The following NRXN3 variants were observed in gnomAD, a reference collection of about 807,000 sequenced individuals.
NRXN3 encodes the protein neurexin III.
In NRXN3, 32 loss-of-function variants were observed where a neutral mutation model predicts 137.6. That is an observed-to-expected ratio of 0.23 (90% CI 0.18 to 0.31). The LOEUF is 0.31. NRXN3 is among the 10% of genes least tolerant of loss of function. The pLI, the probability that NRXN3 is intolerant of heterozygous loss-of-function variation, is 1.00. For missense variants in NRXN3, 1,574 were observed against 2,062.5 expected (o/e 0.76, Z 4.59); for synonymous variants, 798 against 784.5 (o/e 1.02, Z -0.29).
chr14:78,718,223 GACAATTCTTA>G (rs1476058172), intron 8 of NRXN3, among the ~76,000 whole-genome samples: 1 of 152,144 alleles, frequency 6.6e-6, no homozygotes, highest in Non-Finnish European at 1.5e-5. Flanking sequence ...TTAAGCCTAA[GACAATTCTTA>G]AGGCTGTGTG....
intron 4 of NRXN3, among the ~76,000 whole-genome samples, chr14:78,544,327 T>A (rs1463162064): frequency 3.3e-5 from 5 of 152,236 alleles, no homozygotes; most frequent in African/African-American, 9.6e-5. Context: ...CTTGTAGGCA[T>A]GCAGTGTTAA....
chr14:79,696,471 T>C (rs2098735842), intron 18 of NRXN3, among the ~76,000 whole-genome samples: 1 of 151,944 alleles, frequency 6.6e-6, no homozygotes, highest in Admixed American at 6.6e-5. Flanking sequence ...TTTTTTCCTT[T>C]CTTCATATGG....
chr14:79,498,276 C>T (rs1277405687), intron 16 of NRXN3, among the ~76,000 whole-genome samples: 3 of 152,112 alleles, frequency 2.0e-5, no homozygotes, highest in East Asian at 1.9e-4. Flanking sequence ...TATTATTGCA[C>T]ATTGGGTTTT....
chr14:78,287,934 G>A (rs1021354670), intron 3 of NRXN3, among the ~76,000 whole-genome samples: 26 of 151,946 alleles, frequency 1.7e-4, no homozygotes, highest in African/African-American at 6.0e-4. Context: ...ACAGTATTAT[G>A]AGTATGATTG....
intron 4 of NRXN3, among the ~76,000 whole-genome samples, chr14:78,643,306 A>G (rs1210304118): frequency 1.3e-5 from 2 of 152,154 alleles, no homozygotes; most frequent in South Asian, 2.1e-4. Context: ...CAGGGAAAAT[A>G]TAATTCTCTC....
intron 6 of NRXN3, among the ~76,000 whole-genome samples, chr14:78,677,019 G>A (rs79082225): frequency 1.3e-5 from 2 of 152,128 alleles, no homozygotes; most frequent in East Asian, 1.9e-4. Context: ...ACTGTTCATC[G>A]ACAATGCACT....
intron 4 of NRXN3, among the ~76,000 whole-genome samples, chr14:78,458,786 C>A (rs996636378): frequency 2.6e-5 from 4 of 152,214 alleles, no homozygotes; most frequent in Non-Finnish European, 5.9e-5. Context: ...GTTATATCTC[C>A]TTCTCACCAT....
intron 2 of NRXN3, among the ~76,000 whole-genome samples, chr14:78,247,746 G>T (rs776655851): frequency 1.3e-5 from 2 of 152,158 alleles, no homozygotes; most frequent in African/African-American, 2.4e-5. Flanking sequence ...CCAGAGAGCG[G>T]TCCCCTCACG....
chr14:78,995,052 A>G (rs2153089686), intron 15 of NRXN3, among the ~76,000 whole-genome samples: 1 of 152,320 alleles, frequency 6.6e-6, no homozygotes, highest in Admixed American at 6.5e-5. Context: ...GCTGCCACTT[A>G]GTCATTATTA....
intron 20 of NRXN3, among the ~76,000 whole-genome samples, chr14:79,810,578 G>T (rs558666757): frequency 2.0e-5 from 3 of 152,238 alleles, no homozygotes; most frequent in African/African-American, 7.2e-5. Context: ...GCATTTCGGT[G>T]TTACTGCTAC....
At chr14:79,827,514 T>C (rs1466326028) in intron 20 of NRXN3, among the ~76,000 whole-genome samples, 4 of 152,154 alleles carry the variant, frequency 2.6e-5, no homozygotes, top group African/African-American at 9.6e-5. Context: ...TACCCGAGAC[T>C]GGGTAATTTA....
In NRXN3 at chr14:79,262,803, A is replaced by C. The variant is rs143750688; in HGVS notation, c.3263-204418A>C. ...GCAAATGGCTATGGACATTCACAGAAACCTGGAGAAAGTGGATGGCTCCTG... is the reference window on the plus strand; with the variant it reads ...GCAAATGGCTATGGACATTCACAGACACCTGGAGAAAGTGGATGGCTCCTG... On this transcript the variant is annotated intron_variant, in intron 15 of 20. Coordinates refer to ENST00000335750, the MANE Select transcript of NRXN3 (RefSeq NM_001330195.2). Among the ~76,000 whole-genome samples, 279 of 152,254 alleles carry C rather than the reference A, an allele frequency of 1.8e-3. 1 individual carries two copies. Among genetic ancestry groups the C allele is most frequent in the Non-Finnish European group, 3.3e-3 (227 of 67,998 alleles).
chr14:78,260,410 C>A (rs2070490686), intron 2 of NRXN3, among the ~76,000 whole-genome samples: 2 of 152,204 alleles, frequency 1.3e-5, no homozygotes, highest in African/African-American at 4.8e-5. Context: ...ATGAAGCCAG[C>A]AGACTTAGGA....
chr14:79,728,698 G>A (rs767746445), intron 19 of NRXN3, among the ~76,000 whole-genome samples: 4 of 152,138 alleles, frequency 2.6e-5, no homozygotes, highest in Non-Finnish European at 4.4e-5. Flanking sequence ...CCTTTCAAAT[G>A]GCTGCCTCAC....
chr14:78,578,579 T>G (rs1198575505), intron 4 of NRXN3, among the ~76,000 whole-genome samples: 1 of 152,170 alleles, frequency 6.6e-6, no homozygotes, highest in Non-Finnish European at 1.5e-5. Flanking sequence ...CAAAAACTTT[T>G]CCCCTGGAGA....
chr14:79,271,071 A>G (rs958523418), intron 15 of NRXN3, among the ~76,000 whole-genome samples: 1 of 152,236 alleles, frequency 6.6e-6, no homozygotes, highest in African/African-American at 2.4e-5. Context: ...ATCTGTATCT[A>G]TCTTAGACGA....
At chr14:79,541,286 C>T (rs947147202) in intron 16 of NRXN3, among the ~76,000 whole-genome samples, 1 of 152,036 alleles carries the variant, frequency 6.6e-6, no homozygotes, top group Non-Finnish European at 1.5e-5. Context: ...GCCTGTAATC[C>T]CAACGATTCA....
chr14:78,870,449 A>G (rs1440822930), intron 10 of NRXN3, among the ~76,000 whole-genome samples: 3 of 152,132 alleles, frequency 2.0e-5, no homozygotes, highest in Non-Finnish European at 4.4e-5. Flanking sequence ...TTTGATACAA[A>G]CCTGCCATGT....
intron 15 of NRXN3, among the ~76,000 whole-genome samples, chr14:79,328,084 G>A (rs1406046415): frequency 6.6e-6 from 1 of 151,970 alleles, no homozygotes; most frequent in East Asian, 1.9e-4. Context: ...ATTTACCTGT[G>A]TAACAAACCT....
Sources: gnomAD v4.1 joint callset for allele counts (sites outside exome capture counted in the v4.1 genomes callset) on GRCh38, gnomAD v4.1.1 for gene constraint, MANE v1.5 for transcripts, NCBI Gene and HGNC (gene_info 2026-07-23, HGNC 2026-07-21) for gene names.